The following AFF3 variants were observed in gnomAD, a reference collection of about 807,000 sequenced individuals.
The protein encoded by AFF3 is ALF transcription elongation factor 3, also known as AF4/FMR2 family member 3.
Under a neutral mutation model 129.7 loss-of-function variants are expected in AFF3, and 32 were observed. The observed-to-expected ratio is 0.25, with a 90% CI of 0.19 to 0.33. The LOEUF (loss-of-function observed/expected upper bound fraction) is 0.33, where lower values mean the gene tolerates loss of function less well. Ranked by LOEUF, AFF3 falls within the 10% of genes least tolerant of loss-of-function variation. The pLI is 1.00. For missense variants in AFF3, 1,373 were observed against 1,592.0 expected (o/e 0.86, Z 2.34); for synonymous variants, 644 against 635.4 (o/e 1.01, Z -0.20).
chr2:99,614,494 C>T (rs1487948509), intron 13 of AFF3, among the ~76,000 whole-genome samples: 1 of 152,158 alleles, frequency 6.6e-6, no homozygotes, highest in Non-Finnish European at 1.5e-5. Flanking sequence ...AGGCTTGATC[C>T]CCAATTTGAG....
intron 7 of AFF3, among the ~76,000 whole-genome samples, chr2:99,854,832 G>T (rs1247610876): frequency 6.6e-6 from 1 of 152,162 alleles, no homozygotes; most frequent in Non-Finnish European, 1.5e-5. Flanking sequence ...TTAAGAAATA[G>T]ATCTGCATAT....
intron 7 of AFF3, among the ~76,000 whole-genome samples, chr2:99,994,265 G>A (rs940388947): frequency 2.1e-4 from 32 of 152,174 alleles, no homozygotes; most frequent in African/African-American, 6.7e-4. Flanking sequence ...TAGAAAGAAC[G>A]AATGATCTAT....
intron 8 of AFF3, among the ~76,000 whole-genome samples, chr2:99,816,667 TG>T (rs748582243): frequency 1.8e-4 from 27 of 152,152 alleles, no homozygotes; most frequent in Non-Finnish European, 2.8e-4. Context: ...GTTAGTGTGG[TG>T]GTTGGAGAGT....
chr2:99,645,933 C>T (rs190873006), intron 13 of AFF3, among the ~76,000 whole-genome samples: 2 of 152,238 alleles, frequency 1.3e-5, no homozygotes, highest in Non-Finnish European at 1.5e-5. Context: ...ATTCTCTAAC[C>T]TCCAACAACC....
intron 8 of AFF3, among the ~76,000 whole-genome samples, chr2:99,777,947 C>CAAAAAAAAAAAAAAAAAA (rs576434643): frequency 3.7e-4 from 18 of 48,310 alleles, no homozygotes; most frequent in East Asian, 1.8e-3. Flanking sequence ...AAAGCAAAAG[C>CAAAAAAAAAAAAAAAAAA]AAAAAAAAAA....
At chr2:99,791,117 C>G (rs1028669378) in intron 8 of AFF3, among the ~76,000 whole-genome samples, 17 of 152,130 alleles carry the variant, frequency 1.1e-4, no homozygotes, top group African/African-American at 4.1e-4. Flanking sequence ...CTATACAGAC[C>G]ACAGGCACTT....
chr2:99,998,919 T>C (rs1681120041), intron 7 of AFF3, among the ~76,000 whole-genome samples: 1 of 152,186 alleles, frequency 6.6e-6, no homozygotes, highest in Non-Finnish European at 1.5e-5. Flanking sequence ...CATTAAAACC[T>C]AGTTCATGTG....
At chr2:99,752,177 T>G in intron 9 of AFF3, 44 bp downstream of exon 9, 1 of 1,526,350 alleles carries the variant, frequency 6.6e-7, no homozygotes, top group Non-Finnish European at 9.1e-7. Context: ...TAGAAATGCC[T>G]GCATGAGTGA....
chr2:99,658,989 C>T (rs963211187), intron 12 of AFF3, among the ~76,000 whole-genome samples: 1 of 152,234 alleles, frequency 6.6e-6, no homozygotes, highest in African/African-American at 2.4e-5. Context: ...CTGAGACTAA[C>T]TTCTCTTCTC....
Position 99,583,013 on chromosome 2 carries a change from T to C in AFF3, c.2592-14A>G. On this transcript the variant is annotated splice_polypyrimidine_tract_variant and intron_variant, in intron 16 of 24. Coordinates refer to ENST00000672756, the MANE Select transcript of AFF3 (RefSeq NM_001386135.1). ...GGTATTGCCACACTGAAAAAGGAAA[T>C]TACGGTAATGGAATGTTACAGAGTC... 1 of 1,611,280 alleles carries C rather than the reference T, an allele frequency of 6.2e-7. No individual in the cohort carries two copies. Among genetic ancestry groups the C allele is most frequent in the Non-Finnish European group, 8.5e-7 (1 of 1,177,626 alleles).
At chr2:99,723,210 T>C (rs1679064093) in intron 11 of AFF3, among the ~76,000 whole-genome samples, 1 of 152,162 alleles carries the variant, frequency 6.6e-6, no homozygotes, top group Non-Finnish European at 1.5e-5. Context: ...TGAATGCTCA[T>C]AGGATCACTA....
In AFF3 at chr2:99,593,500, C is replaced by T. The variant is rs1207641566; in HGVS notation, c.2161G>A (p.Ala721Thr). Reference protein sequence around the residue: ...AAANGGSGPRAPVGSINARTT... With the variant: ...AAANGGSGPRTPVGSINARTT... The stretch of plus-strand genomic sequence containing the variant: ...CTGGCGTTGATGGAGCCTACAGGGG[C>T]CCTAGGACCACTGCCCCCGTTGGCA... The change falls in exon 15 of 25, where the codon GCC becomes ACC. Residue 721 changes from alanine (A) to threonine (T), a missense_variant. Physicochemically the swap from Ala to Thr is moderately conservative, Grantham distance 58. This residue lies in a region of AFF3 where 466 missense variants were observed against 505.0 expected (regional missense o/e 0.92). Coordinates refer to ENST00000672756, the MANE Select transcript of AFF3 (RefSeq NM_001386135.1). The T allele has an allele frequency of 8.7e-6, 14 of 1,613,342 alleles. 1 individual carries two copies. The highest frequency in any genetic ancestry group is 4.4e-5 in the South Asian group (4 of 91,088).
chr2:99,989,707 G>A (rs560202142), intron 7 of AFF3, among the ~76,000 whole-genome samples: 7 of 152,212 alleles, frequency 4.6e-5, no homozygotes, highest in African/African-American at 1.7e-4. Flanking sequence ...GACCCTGAGA[G>A]GTCCATCTGT....
intron 4 of AFF3, among the ~76,000 whole-genome samples, chr2:100,056,974 G>C (rs1372738816): frequency 6.6e-6 from 1 of 152,070 alleles, no homozygotes; most frequent in Non-Finnish European, 1.5e-5. Flanking sequence ...AGGGTTCATG[G>C]GCTCTCAGGT....
In AFF3 at chr2:99,664,454, A is replaced by G. The variant is rs77745157; in HGVS notation, c.1143+8084T>C. The stretch of plus-strand genomic sequence containing the variant: ...TTTGAGATAACTTATGAAAACTTGT[A>G]GTTTCAATATAGCTTGATGTAAGCA... On this transcript the variant is annotated intron_variant, in intron 12 of 24. Transcript: ENST00000672756. Among the ~76,000 whole-genome samples the G allele has an allele frequency of 2.5e-3, 384 of 152,380 alleles. 2 individuals are homozygous for G. The highest frequency in any genetic ancestry group is 8.4e-3 in the African/African-American group (349 of 41,588).
intron 7 of AFF3, among the ~76,000 whole-genome samples, chr2:99,993,498 T>C (rs1169805009): frequency 6.6e-6 from 1 of 151,958 alleles, no homozygotes; most frequent in Non-Finnish European, 1.5e-5. Context: ...AACCACATGC[T>C]GGAACTAATT....
At position 99,690,339 on chromosome 2, in the gene AFF3, C is replaced by T. The variant is rs550382163; in HGVS notation, c.1092-17750G>A. ...GGGACTACAGGCACCCGCCACCACG[C>T]CCGGCTAATTTTTTTGTATTTTTAG... On this transcript the variant is annotated intron_variant, in intron 11 of 24. Coordinates refer to ENST00000672756, the MANE Select transcript of AFF3 (RefSeq NM_001386135.1). Among the ~76,000 whole-genome samples, 606 of 151,308 alleles carry T rather than the reference C, an allele frequency of 4.0e-3. 5 individuals are homozygous for T. Among genetic ancestry groups the T allele is most frequent in the African/African-American group, 0.014 (583 of 41,340 alleles).
In AFF3 at chr2:99,988,191, G is replaced by A. The variant is rs561639458; in HGVS notation, c.873+18441C>T. Among the ~76,000 whole-genome samples, 14 of 152,294 alleles carry A rather than the reference G, an allele frequency of 9.2e-5. No homozygotes were observed. The South Asian group carries it at 2.9e-3, about 32-fold the overall frequency. ...AGGGAGTGAAGGCAGGGGGAGAAGT[G>A]CTATGAAGGAACATAGAAAGCAACT... On this transcript the variant is annotated intron_variant, in intron 7 of 24. Coordinates refer to ENST00000672756, the MANE Select transcript of AFF3 (RefSeq NM_001386135.1).
rs10173053 is a variant in AFF3 at position 100,054,963 on chromosome 2, T to C, written c.54-46031A>G. 8.0e-3 allele frequency among the ~76,000 whole-genome samples: 1,218 copies of C among 152,340 alleles called. 13 individuals are homozygous for C. The highest frequency in any genetic ancestry group is 0.028 in the African/African-American group (1,167 of 41,570). ...TTTCTCCAACAGGTGTGATTTGACCTGAGCAGATACAGTAGAAATTTTATC... is the reference window on the plus strand; with the variant it reads ...TTTCTCCAACAGGTGTGATTTGACCCGAGCAGATACAGTAGAAATTTTATC... On this transcript the variant is annotated intron_variant, in intron 4 of 24. Coordinates refer to ENST00000672756, the MANE Select transcript of AFF3 (RefSeq NM_001386135.1).
Sources: allele counts gnomAD v4.1 joint callset (sites outside exome capture counted in the v4.1 genomes callset), GRCh38; gene constraint gnomAD v4.1.1; regional missense constraint gnomAD v4.1.1; transcripts MANE v1.5; gene names NCBI Gene and HGNC (gene_info 2026-07-23, HGNC 2026-07-21).